Variants in ZBTB16 observed in about 807,000 individuals in gnomAD.
The protein encoded by ZBTB16 is zinc finger and BTB domain containing 16.
A neutral mutation model predicts 56.8 loss-of-function variants in ZBTB16; 8 were observed. That is an observed-to-expected ratio of 0.14 (90% CI 0.08 to 0.25). The LOEUF (loss-of-function observed/expected upper bound fraction) is 0.25. Among genes scored for constraint, ZBTB16 ranks in the 10% least tolerant of loss-of-function variants. The pLI, the probability that ZBTB16 is intolerant of heterozygous loss-of-function variation, is 1.00. For missense variants in ZBTB16, 625 were observed against 903.0 expected (o/e 0.69, Z 3.95); for synonymous variants, 363 against 368.5 (o/e 0.98, Z 0.17).
chr11:114,091,119 T>G (rs1325165782), intron 2 of ZBTB16, among the ~76,000 whole-genome samples: 1 of 152,058 alleles, frequency 6.6e-6, no homozygotes. Flanking sequence ...GAGGCCGAGG[T>G]GGAAGGATTG....
chr11:114,100,003 A>G (rs573302366), intron 2 of ZBTB16, among the ~76,000 whole-genome samples: 1 of 152,242 alleles, frequency 6.6e-6, no homozygotes, highest in African/African-American at 2.4e-5. Context: ...CCCTCCTTAA[A>G]AGGTTTAAAA....
At chr11:114,185,828 G>T (rs1943347865) in intron 3 of ZBTB16, among the ~76,000 whole-genome samples, 1 of 152,184 alleles carries the variant, frequency 6.6e-6, no homozygotes, top group South Asian at 2.1e-4. Context: ...GTGATAAAAA[G>T]TACTGTTTCA....
Position 114,156,535 on chromosome 11 carries a change from G to A in ZBTB16, c.1366+101G>A. ...CTGCTGTGGCCTGCATGTCCCCACT[G>A]CCCGCTGGGGCCCTGGTCCATCTTG... On this transcript the variant is annotated intron_variant, in intron 3 of 6. Transcript: ENST00000335953. The A allele has an allele frequency of 4.8e-6, 5 of 1,051,946 alleles. No individual in the cohort carries two copies. The East Asian group carries it at 9.7e-5, about 20-fold the overall frequency. 65.2% of individuals were successfully genotyped at this position (1,051,946 alleles called of 1,614,324 possible).
intron 3 of ZBTB16, among the ~76,000 whole-genome samples, chr11:114,157,462 T>C (rs765635880): frequency 6.6e-6 from 1 of 152,186 alleles, no homozygotes; most frequent in Non-Finnish European, 1.5e-5. Flanking sequence ...TGGCATACAG[T>C]TGGCATTTAA....
intron 4 of ZBTB16, among the ~76,000 whole-genome samples, chr11:114,226,739 G>T (rs1591796996): frequency 1.3e-5 from 2 of 152,126 alleles, no homozygotes; most frequent in East Asian, 3.9e-4. Context: ...ACTCCAGCCA[G>T]ATGCCTACCA....
At chr11:114,235,850 A>G (rs1179797799) in intron 4 of ZBTB16, among the ~76,000 whole-genome samples, 1 of 143,282 alleles carries the variant, frequency 7.0e-6, no homozygotes, top group African/African-American at 2.6e-5. Flanking sequence ...TGAGTCATAC[A>G]TGCCCTGTAG....
Position 114,256,034 on chromosome 11 carries a change from TG to T in ZBTB16, c.*5480del, listed in dbSNP as rs202140184. ...TTGGTTTTGTTTTGTTTTTTTTTTT[TG>T]TTTTTTTTGCCTTTTCTTGTGTGGG... On this transcript the variant is annotated 3_prime_UTR_variant, in exon 7 of 7. Coordinates refer to ENST00000335953, the MANE Select transcript of ZBTB16 (RefSeq NM_006006.6). 6.2e-4 allele frequency among the ~76,000 whole-genome samples: 40 copies of T among 64,690 alleles called. No individual in the cohort carries two copies. Among genetic ancestry groups the T allele is most frequent in the African/African-American group, 1.7e-3 (36 of 21,428 alleles). The allele number at this position is 64,690 out of a possible 152,430, so 42.4% of individuals were successfully genotyped here.
chr11:114,151,355 G>A (rs1942274160), intron 2 of ZBTB16, among the ~76,000 whole-genome samples: 1 of 152,178 alleles, frequency 6.6e-6, no homozygotes. Flanking sequence ...GGATGGCTCA[G>A]TTAGGCTGAA....
chr11:114,063,614 C>T lies in ZBTB16; in HGVS notation c.314C>T (p.Ala105Val), dbSNP rs2137651846. The T allele has an allele frequency of 1.2e-6, 2 of 1,614,186 alleles. No individual in the cohort carries two copies. The highest frequency in any genetic ancestry group is 1.3e-5 in the African/African-American group (1 of 75,068). The change falls in exon 2 of 7, where the codon GCG becomes GTG. Residue 105 changes from alanine to valine, a missense_variant. Ala to Val is a moderately conservative substitution (Grantham distance 64). Around this residue, in one of 6 missense-constraint regions of ZBTB16, gnomAD observed 54 missense variants for 159.4 expected, o/e 0.34. Coordinates refer to ENST00000335953, the MANE Select transcript of ZBTB16 (RefSeq NM_006006.6). The surrounding 1 kb of genome is among the most constrained non-coding windows in gnomAD (Gnocchi z 6.5). ...GAGGACCTGGATGACCTGCTGTATG[C>T]GGCCGAGATCCTGGAGATCGAGTAC... ...KAEDLDDLLY[A>V]AEILEIEYLE...
chr11:114,239,409 G>A (rs1305170827), intron 4 of ZBTB16, among the ~76,000 whole-genome samples: 1 of 152,088 alleles, frequency 6.6e-6, no homozygotes, highest in African/African-American at 2.4e-5. Context: ...GTGGGGTGGG[G>A]GTTAAGGGCA....
chr11:114,092,722 G>A (rs971457497), intron 2 of ZBTB16, among the ~76,000 whole-genome samples: 2 of 152,110 alleles, frequency 1.3e-5, no homozygotes, highest in Non-Finnish European at 2.9e-5. Context: ...TAGGGCCGTC[G>A]TAAGGCTTAG....
At chr11:114,089,218 T>A (rs1428056788) in intron 2 of ZBTB16, among the ~76,000 whole-genome samples, 1 of 152,026 alleles carries the variant, frequency 6.6e-6, no homozygotes, top group Non-Finnish European at 1.5e-5. Context: ...CTGTGAAGGG[T>A]AGATCCTGGA....
At chr11:114,096,748 C>T (rs535194700) in intron 2 of ZBTB16, among the ~76,000 whole-genome samples, 4 of 152,296 alleles carry the variant, frequency 2.6e-5, no homozygotes, top group Admixed American at 1.3e-4. Flanking sequence ...GGCACTTTTG[C>T]GACTGTGTAC....
intron 2 of ZBTB16, among the ~76,000 whole-genome samples, chr11:114,128,560 T>C (rs1335253197): frequency 6.6e-6 from 1 of 152,196 alleles, no homozygotes; most frequent in Non-Finnish European, 1.5e-5. Flanking sequence ...GGGTGTGTTA[T>C]GGGATGCAGT....
At chr11:114,112,766 T>TC (rs893435973) in intron 2 of ZBTB16, among the ~76,000 whole-genome samples, 1 of 150,050 alleles carries the variant, frequency 6.7e-6, no homozygotes, top group Admixed American at 6.6e-5. Flanking sequence ...TTTTCTTTTT[T>TC]TTTTTTTTTT....
At chr11:114,182,225 T>A (rs750517876) in intron 3 of ZBTB16, among the ~76,000 whole-genome samples, 2 of 152,174 alleles carry the variant, frequency 1.3e-5, no homozygotes, top group Non-Finnish European at 2.9e-5. Flanking sequence ...AATTTTTGTA[T>A]TTTTAGTAGA....
rs568763856 is a variant in ZBTB16 at position 114,203,425 on chromosome 11, G to T, written c.1453+16387G>T. 2.0e-5 allele frequency among the ~76,000 whole-genome samples: 3 copies of T among 152,096 alleles called. No homozygotes were observed. In the East Asian group the frequency reaches 5.8e-4, roughly 29 times the overall value. The stretch of plus-strand genomic sequence containing the variant: ...TACATTAAAAACCAATAAAAGGGCC[G>T]GGCACAGTGGCTCATGCTTTGGGAG... On this transcript the variant is annotated intron_variant, in intron 4 of 6. Coordinates refer to ENST00000335953, the MANE Select transcript of ZBTB16 (RefSeq NM_006006.6).
chr11:114,143,148 G>A lies in ZBTB16; in HGVS notation c.1269-13189G>A, dbSNP rs1330055558. ...GGTGAATGTGTGCTGGCTGATGAGGGTGAGGAGCGGTGGGTACCCGGCTCT... is the reference window on the plus strand; with the variant it reads ...GGTGAATGTGTGCTGGCTGATGAGGATGAGGAGCGGTGGGTACCCGGCTCT... On this transcript the variant is annotated intron_variant, in intron 2 of 6. Coordinates refer to ENST00000335953, the MANE Select transcript of ZBTB16 (RefSeq NM_006006.6). The surrounding 1 kb of genome is among the most constrained non-coding windows in gnomAD (Gnocchi z 6.4). Among the ~76,000 whole-genome samples, 2 of 152,160 alleles carry A rather than the reference G, an allele frequency of 1.3e-5. No homozygotes were observed. Among genetic ancestry groups the A allele is most frequent in the African/African-American group, 2.4e-5 (1 of 41,428 alleles).
At chr11:114,235,600 C>T (rs1290192676) in intron 4 of ZBTB16, among the ~76,000 whole-genome samples, 1 of 152,036 alleles carries the variant, frequency 6.6e-6, no homozygotes, top group African/African-American at 2.4e-5. Flanking sequence ...TTCTCCCTTT[C>T]TCTCTCTTTC....
Sources: allele counts gnomAD v4.1 joint callset (sites outside exome capture counted in the v4.1 genomes callset), GRCh38; gene constraint gnomAD v4.1.1; regional missense constraint gnomAD v4.1.1; non-coding constraint Gnocchi (gnomAD v3.1); transcripts MANE v1.5; gene names NCBI Gene and HGNC (gene_info 2026-07-23, HGNC 2026-07-21).